The following KCNH1 variants were observed in gnomAD, a reference collection of about 807,000 sequenced individuals.
KCNH1 encodes potassium voltage-gated channel subfamily H member 1.
Under a neutral mutation model 69.2 loss-of-function variants are expected in KCNH1, and 27 were observed. The observed-to-expected ratio is 0.39, with a 90% CI of 0.29 to 0.54. The LOEUF is 0.54. Ranked by LOEUF, KCNH1 falls within the 20% of genes least tolerant of loss-of-function variation. The pLI is 0.68. For synonymous variants in KCNH1, 456 were observed against 487.7 expected (o/e 0.93, Z 0.86); for missense variants, 798 against 1,261.6 (o/e 0.63, Z 5.57).
At chr1:211,064,798 A>G (rs1290141741) in intron 5 of KCNH1, among the ~76,000 whole-genome samples, 1 of 152,160 alleles carries the variant, frequency 6.6e-6, no homozygotes, top group African/African-American at 2.4e-5. Flanking sequence ...GTAAGACAAC[A>G]AAAAACCTAA....
chr1:210,784,789 T>C (rs1483108986), intron 9 of KCNH1, among the ~76,000 whole-genome samples: 2 of 152,168 alleles, frequency 1.3e-5, no homozygotes, highest in Non-Finnish European at 2.9e-5. Context: ...GATGGGACAC[T>C]GGAGTATGTC....
intron 7 of KCNH1, chr1:210,860,651 G>A: frequency 1.7e-5 from 13 of 782,458 alleles, no homozygotes; most frequent in Non-Finnish European, 3.1e-5. Flanking sequence ...AGAAGAGCCT[G>A]CATTACAGGT....
At chr1:210,986,939 G>T (rs1311492530) in intron 6 of KCNH1, among the ~76,000 whole-genome samples, 1 of 152,190 alleles carries the variant, frequency 6.6e-6, no homozygotes, top group African/African-American at 2.4e-5. Context: ...TGTAGATTTG[G>T]TCTTTTCACA....
rs1489154870 is a variant in KCNH1, at chr1:210,991,761, AAAATAAAGT to A, written c.1032+27013_1032+27021del. Among the ~76,000 whole-genome samples, 4 of 152,322 alleles carry A rather than the reference AAAATAAAGT, an allele frequency of 2.6e-5. No homozygotes were observed. The East Asian group carries it at 7.7e-4, about 29-fold the overall frequency. On this transcript the variant is annotated intron_variant, in intron 6 of 10. Coordinates refer to ENST00000271751, the MANE Select transcript of KCNH1 (RefSeq NM_172362.3). ...AAATACAGATAATTATTTGTCAATA[AAAATAAAGT>A]AAGATTTAAATTGTTTTTAAAGGAT...
intron 10 of KCNH1, among the ~76,000 whole-genome samples, chr1:210,719,638 A>G (rs1359973312): frequency 6.6e-6 from 1 of 152,114 alleles, no homozygotes; most frequent in African/African-American, 2.4e-5. Context: ...GGTGCAGTAA[A>G]CCACCATGGC....
chr1:210,995,336 A>C (rs1263155149), intron 6 of KCNH1, among the ~76,000 whole-genome samples: 1 of 152,200 alleles, frequency 6.6e-6, no homozygotes, highest in Non-Finnish European at 1.5e-5. Context: ...AGAATGAGAG[A>C]ATCACAGAAA....
At chr1:210,788,324 T>C (rs1684140922) in intron 9 of KCNH1, among the ~76,000 whole-genome samples, 1 of 152,236 alleles carries the variant, frequency 6.6e-6, no homozygotes, top group Non-Finnish European at 1.5e-5. Flanking sequence ...TATATAGCTA[T>C]ATATTCTGCT....
At chr1:211,021,017 G>A (rs955975932) in intron 5 of KCNH1, among the ~76,000 whole-genome samples, 10 of 152,196 alleles carry the variant, frequency 6.6e-5, no homozygotes, top group Non-Finnish European at 1.2e-4. Flanking sequence ...ACCTGCATGA[G>A]ATTGGAGACT....
At chr1:210,917,229 G>GAAAA in intron 7 of KCNH1, among the ~76,000 whole-genome samples, 1 of 78,870 alleles carries the variant, frequency 1.3e-5, no homozygotes, top group East Asian at 4.0e-4. Context: ...GAGAGAGAGA[G>GAAAA]AGAAAGAAAG....
intron 7 of KCNH1, among the ~76,000 whole-genome samples, chr1:210,895,644 A>G (rs1196999004): frequency 6.6e-6 from 1 of 152,130 alleles, no homozygotes; most frequent in African/African-American, 2.4e-5. Flanking sequence ...CTTCCCACAC[A>G]TACCCATTAC....
At chr1:210,834,686 A>T (rs560675092) in intron 7 of KCNH1, among the ~76,000 whole-genome samples, 444 of 33,568 alleles carry the variant, frequency 0.013, 4 homozygotes, top group African/African-American at 0.11. Flanking sequence ...AAGTATAATT[A>T]AAAAAAAAAA....
intron 6 of KCNH1, among the ~76,000 whole-genome samples, chr1:210,971,120 A>AC (rs1033175526): frequency 7.9e-5 from 12 of 151,794 alleles, no homozygotes; most frequent in South Asian, 2.1e-4. Flanking sequence ...CAGAATGATG[A>AC]TTTTTTTTGT....
intron 6 of KCNH1, among the ~76,000 whole-genome samples, chr1:211,005,283 A>T (rs1689260010): frequency 6.6e-6 from 1 of 152,162 alleles, no homozygotes; most frequent in Admixed American, 6.5e-5. Context: ...TAAATCCAAA[A>T]TGGAAAATTC....
chr1:210,795,748 TA>T (rs1413655575), intron 9 of KCNH1, among the ~76,000 whole-genome samples: 3 of 152,152 alleles, frequency 2.0e-5, no homozygotes, highest in African/African-American at 7.2e-5. Context: ...AGTTTTCTAA[TA>T]AATCATTTGT....
At chr1:210,707,832 GGCCTCCCT>G (rs375322495) in intron 10 of KCNH1, among the ~76,000 whole-genome samples, 238 of 152,268 alleles carry the variant, frequency 1.6e-3, no homozygotes, top group African/African-American at 5.3e-3. Context: ...CATAAAAGGA[GGCCTCCCT>G]GCCCTTCCTC....
At position 211,133,727 on chromosome 1, in the gene KCNH1, C is replaced by A; in HGVS notation, c.79+140G>T. 2.8e-6 allele frequency: 2 copies of A among 715,432 alleles called. No individual in the cohort carries two copies. The highest frequency in any genetic ancestry group is 1.8e-5 in the African/African-American group (1 of 54,594). The allele number at this position is 715,432 out of a possible 1,614,324, so 44.3% of individuals were successfully genotyped here. A position where few individuals can be genotyped will look rare whatever the true frequency, so the allele number is the denominator to read the frequency against. On this transcript the variant is annotated intron_variant, in intron 1 of 10. Coordinates refer to ENST00000271751, the MANE Select transcript of KCNH1 (RefSeq NM_172362.3). This position sits in a 1 kb window ranked among gnomAD's most constrained non-coding sequence, Gnocchi z 5.4. ...CCCACCTTTCTCTGCCTCGGGGAGG[C>A]TGCCCTGGGTGCCCGCGCCGCGGCT...
chr1:210,794,956 C>T (rs1375528414), intron 9 of KCNH1, among the ~76,000 whole-genome samples: 5 of 152,078 alleles, frequency 3.3e-5, no homozygotes, highest in Admixed American at 2.6e-4. Context: ...ATGGTTTTTG[C>T]CTTCATGAGT....
At chr1:210,705,276 C>T (rs1051847686) in intron 10 of KCNH1, among the ~76,000 whole-genome samples, 1 of 152,192 alleles carries the variant, frequency 6.6e-6, no homozygotes, top group African/African-American at 2.4e-5. Flanking sequence ...TCTCATTCGT[C>T]CACTTGCTCA....
In KCNH1 at chr1:210,804,063, G is replaced by C; in HGVS notation, c.1566C>G (p.Phe522Leu). The change falls in exon 8 of 11, where the codon TTC (phenylalanine) becomes TTG (leucine). Residue 522 changes from phenylalanine to leucine, a missense_variant. By Grantham distance (22) the Phe-to-Leu change is conservative. Transcript: ENST00000271751. ...YHEMLNSVRD[F>L]LKLYQVPKGL... is the part of the protein sequence containing the mutation. ...CTTTTGGCACCTGGTAGAGCTTCAG[G>C]AAGTCCCGAACACTGTTGAGCATCT... is the stretch of plus-strand genomic sequence containing the variant. 6.2e-7 allele frequency: 1 copy of C among 1,614,164 alleles called. No homozygotes were observed. The highest frequency in any genetic ancestry group is 8.5e-7 in the Non-Finnish European group (1 of 1,180,004).
Sources: allele counts gnomAD v4.1 joint callset (sites outside exome capture counted in the v4.1 genomes callset), GRCh38; gene constraint gnomAD v4.1.1; non-coding constraint Gnocchi (gnomAD v3.1); transcripts MANE v1.5; gene names NCBI Gene and HGNC (gene_info 2026-07-23, HGNC 2026-07-21).